Variants in TRMT11 observed in about 807,000 individuals in gnomAD.
TRMT11 encodes tRNA methyltransferase 11.
In TRMT11, 53 loss-of-function variants were observed where a neutral mutation model predicts 62.8. The ratio of observed to expected loss-of-function variants is 0.84; its 90% CI spans 0.68 to 1.06. The LOEUF is 1.06. TRMT11 is among the 50% of genes least tolerant of loss of function. TRMT11 has a pLI of 0.00. For missense variants in TRMT11, 556 were observed against 553.4 expected (o/e 1.00, Z -0.05); for synonymous variants, 188 against 190.3 (o/e 0.99, Z 0.10).
At chr6:126,075,489 A>G (rs1449753777) in intron 17 of TRMT11, among the ~76,000 whole-genome samples, 1 of 151,500 alleles carries the variant, frequency 6.6e-6, no homozygotes, top group African/African-American at 2.4e-5. Context: ...TCCCCCACTT[A>G]TCTCTCTTCC....
intron 3 of TRMT11, among the ~76,000 whole-genome samples, chr6:126,201,294 GA>G (rs1005046406): frequency 1.3e-5 from 2 of 152,036 alleles, no homozygotes; most frequent in African/African-American, 2.4e-5. Context: ...AATCCAAATA[GA>G]AAAAAAATTG....
chr6:126,060,948 T>C (rs143975809), intron 17 of TRMT11, among the ~76,000 whole-genome samples: 3 of 152,342 alleles, frequency 2.0e-5, no homozygotes, highest in Admixed American at 6.5e-5. Context: ...ACAAAACTTA[T>C]TGGAGTGGGC....
intron 21 of TRMT11, among the ~76,000 whole-genome samples, chr6:126,151,829 T>TAGTTTC (rs1432104752): frequency 2.2e-5 from 3 of 138,654 alleles, no homozygotes; most frequent in African/African-American, 8.5e-5. Context: ...TTTCTTTCTT[T>TAGTTTC]CTTTCTTTCT....
intron 11 of TRMT11, among the ~76,000 whole-genome samples, chr6:126,017,096 C>T (rs952445426): frequency 3.3e-5 from 5 of 152,028 alleles, no homozygotes; most frequent in African/African-American, 7.2e-5. Context: ...AATAGTTTAA[C>T]TATGTTATAT....
intron 12 of TRMT11, among the ~76,000 whole-genome samples, chr6:126,037,979 A>G (rs1007382207): frequency 6.6e-6 from 1 of 152,024 alleles, no homozygotes; most frequent in Non-Finnish European, 1.5e-5. Context: ...TTTTATGTCT[A>G]ATTAGATATT....
At chr6:126,185,913 G>C (rs1017660238) in intron 1 of TRMT11, among the ~76,000 whole-genome samples, 1 of 152,090 alleles carries the variant, frequency 6.6e-6, no homozygotes, top group Non-Finnish European at 1.5e-5. Flanking sequence ...ACTAACATGA[G>C]AACAGCATGG....
intron 7 of TRMT11, among the ~76,000 whole-genome samples, chr6:126,001,997 G>A (rs1792574003): frequency 6.6e-6 from 1 of 152,040 alleles, no homozygotes; most frequent in African/African-American, 2.4e-5. Context: ...CCCAGTGAGA[G>A]CTCTTTCACA....
chr6:126,198,124 C>T (rs1778688767), intron 1 of TRMT11, among the ~76,000 whole-genome samples: 1 of 152,184 alleles, frequency 6.6e-6, no homozygotes, highest in East Asian at 1.9e-4. Flanking sequence ...TTTCAGGACA[C>T]AGTCACTGCC....
the TRMT11 span, among the ~76,000 whole-genome samples, chr6:126,240,501 G>A: frequency 2.0e-5 from 3 of 152,178 alleles, no homozygotes; most frequent in Non-Finnish European, 4.4e-5. Flanking sequence ...CTGGGTATCA[G>A]CAGTGGAGGC....
intron 21 of TRMT11, among the ~76,000 whole-genome samples, chr6:126,140,397 A>T (rs531642615): frequency 2.5e-4 from 38 of 152,198 alleles, no homozygotes; most frequent in African/African-American, 8.9e-4. Flanking sequence ...AATGGATCAG[A>T]TAATTTCTTA....
At chr6:126,206,063 G>A (rs949006805), downstream of TRMT11, among the ~76,000 whole-genome samples, 17 of 152,210 alleles carry the variant, frequency 1.1e-4, no homozygotes, top group African/African-American at 3.9e-4. Context: ...AGTAATAATG[G>A]CCACTGTTTT....
chr6:126,028,568 A>G (rs573780166), intron 12 of TRMT11, among the ~76,000 whole-genome samples: 45 of 152,256 alleles, frequency 3.0e-4, no homozygotes, highest in African/African-American at 9.4e-4. Context: ...TTTCAGGTTC[A>G]TTTGGTCTAC....
chr6:126,036,108 G>A (rs1474155304), intron 12 of TRMT11, among the ~76,000 whole-genome samples: 2 of 152,066 alleles, frequency 1.3e-5, no homozygotes, highest in African/African-American at 2.4e-5. Flanking sequence ...CAGTTTGAGG[G>A]GGAGGTGATC....
the TRMT11 span, among the ~76,000 whole-genome samples, chr6:126,263,625 C>G: frequency 6.6e-6 from 1 of 152,186 alleles, no homozygotes; most frequent in Non-Finnish European, 1.5e-5. Context: ...AATAAGCGTT[C>G]AAGTGCTTGG....
chr6:126,233,094 G>A, the TRMT11 span, among the ~76,000 whole-genome samples: 24 of 152,112 alleles, frequency 1.6e-4, 1 homozygote, highest in Non-Finnish European at 2.9e-5. Context: ...TAGAACGTAC[G>A]TTTTGAACAT....
At chr6:126,008,337 C>A in intron 7 of TRMT11, 55 bp from the exon 8 acceptor site, 1 of 1,431,176 alleles carries the variant, frequency 7.0e-7, no homozygotes, top group Non-Finnish European at 9.9e-7. Flanking sequence ...TAAATAGGAA[C>A]AAACAGGAGT....
At chr6:126,217,738 A>G in the TRMT11 span, among the ~76,000 whole-genome samples, 4 of 151,980 alleles carry the variant, frequency 2.6e-5, no homozygotes, top group African/African-American at 7.3e-5. Context: ...GCTTGCGGTA[A>G]TCACTAGCCT....
At chr6:126,118,238 C>T (rs892210023) in intron 21 of TRMT11, among the ~76,000 whole-genome samples, 7 of 151,984 alleles carry the variant, frequency 4.6e-5, no homozygotes, top group African/African-American at 1.7e-4. Context: ...GAGATAGTGC[C>T]CACAAAACCA....
chr6:126,180,259 A>G lies in TRMT11; in HGVS notation n.143+2924A>G, dbSNP rs186171858. On this transcript the variant is annotated intron_variant and non_coding_transcript_variant, in intron 1 of 3. Transcript: ENST00000444229. ...ATGTATTATAATTTTTTAAAAATAT[A>G]CCTGAGTATATTTTATGCCATTCAA... Among the ~76,000 whole-genome samples, 327 of 152,322 alleles carry G rather than the reference A, an allele frequency of 2.1e-3. 1 individual carries two copies. The highest frequency in any genetic ancestry group is 7.8e-3 in the African/African-American group (323 of 41,584).
Sources: allele counts gnomAD v4.1 joint callset (sites outside exome capture counted in the v4.1 genomes callset), GRCh38; gene constraint gnomAD v4.1.1; transcripts MANE v1.5; gene names NCBI Gene and HGNC (gene_info 2026-07-23, HGNC 2026-07-21).